Variants in ANKRD44 observed in about 807,000 individuals in gnomAD.
The protein encoded by ANKRD44 is ankyrin repeat domain 44.
ANKRD44 carries 35 observed loss-of-function variants against 116.0 expected under a neutral mutation model. That is an observed-to-expected ratio of 0.30 (90% CI 0.23 to 0.40). The LOEUF (loss-of-function observed/expected upper bound fraction) is 0.40, where lower values mean the gene tolerates loss of function less well. Ranked by LOEUF, ANKRD44 falls within the 10% of genes least tolerant of loss-of-function variation. The pLI is 1.00. For synonymous variants in ANKRD44, 435 were observed against 461.8 expected (o/e 0.94, Z 0.74); for missense variants, 1,014 against 1,242.6 (o/e 0.82, Z 2.77).
At chr2:197,094,529 G>GTATGAT (rs2125197374) in intron 10 of ANKRD44, among the ~76,000 whole-genome samples, 1 of 152,242 alleles carries the variant, frequency 6.6e-6, no homozygotes, top group South Asian at 2.1e-4. Flanking sequence ...AAAATCAGTT[G>GTATGAT]TATGATTCCT....
intron 1 of ANKRD44, among the ~76,000 whole-genome samples, chr2:197,239,427 C>T (rs1057264168): frequency 6.6e-6 from 1 of 152,108 alleles, no homozygotes; most frequent in Non-Finnish European, 1.5e-5. Flanking sequence ...CATGGGGTTT[C>T]ACTATGTTAC....
At chr2:197,226,014 T>C (rs1393257837) in intron 1 of ANKRD44, among the ~76,000 whole-genome samples, 2 of 152,208 alleles carry the variant, frequency 1.3e-5, no homozygotes, top group Non-Finnish European at 2.9e-5. Flanking sequence ...AACAGGCTTT[T>C]ATGGCTTTCC....
intron 1 of ANKRD44, chr2:197,301,307 A>G (rs2105911425): frequency 1.3e-5 from 2 of 152,304 alleles, no homozygotes; most frequent in Middle Eastern, 6.8e-3. Flanking sequence ...TGCTATGTAG[A>G]TGGAGCTCAT....
At chr2:197,106,370 G>A (rs1336102360) in intron 9 of ANKRD44, among the ~76,000 whole-genome samples, 3 of 152,106 alleles carry the variant, frequency 2.0e-5, no homozygotes, top group African/African-American at 7.2e-5. Flanking sequence ...TCTTCAACCC[G>A]GGAGGCAGAG....
intron 1 of ANKRD44, among the ~76,000 whole-genome samples, chr2:197,217,029 A>G (rs962958793): frequency 2.0e-5 from 3 of 152,122 alleles, no homozygotes; most frequent in Non-Finnish European, 4.4e-5. Context: ...AATCACCAGC[A>G]CTCTAAGAGG....
intron 1 of ANKRD44, among the ~76,000 whole-genome samples, chr2:197,243,550 T>C (rs917705178): frequency 2.6e-5 from 4 of 152,236 alleles, no homozygotes; most frequent in African/African-American, 9.6e-5. Flanking sequence ...CTTAGTCCAC[T>C]TGAGTTGCTA....
chr2:197,190,972 A>G (rs1234093520), intron 1 of ANKRD44, among the ~76,000 whole-genome samples: 3 of 152,198 alleles, frequency 2.0e-5, no homozygotes, highest in African/African-American at 7.2e-5. Flanking sequence ...AAATTGTAAC[A>G]AGGGTCAAAA....
intron 1 of ANKRD44, among the ~76,000 whole-genome samples, chr2:197,282,060 T>G (rs1054655140): frequency 3.9e-5 from 6 of 152,092 alleles, no homozygotes; most frequent in African/African-American, 1.4e-4. Context: ...GAGACCATCC[T>G]GGCTAACAAG....
chr2:197,246,640 C>T (rs1031063348), intron 1 of ANKRD44, among the ~76,000 whole-genome samples: 1 of 152,052 alleles, frequency 6.6e-6, no homozygotes. Context: ...TTGTAGCCAC[C>T]TTACCCTGTG....
chr2:197,178,616 G>GA (rs2080427295), intron 2 of ANKRD44, among the ~76,000 whole-genome samples: 2 of 152,080 alleles, frequency 1.3e-5, no homozygotes, highest in Admixed American at 6.5e-5. Context: ...ACTCACCAAA[G>GA]AAAAAATGCA....
intron 9 of ANKRD44, among the ~76,000 whole-genome samples, chr2:197,110,482 G>C (rs1049042146): frequency 6.6e-6 from 1 of 152,148 alleles, no homozygotes; most frequent in African/African-American, 2.4e-5. Context: ...AGATGCACAG[G>C]ATCTTGAGCC....
rs62185214 is a variant in ANKRD44 at position 196,968,063 on chromosome 2, C to A, written c.2369-617G>T. 5.6e-3 allele frequency among the ~76,000 whole-genome samples: 859 copies of A among 152,272 alleles called. 5 individuals are homozygous for A. The highest frequency in any genetic ancestry group is 0.011 in the Non-Finnish European group (723 of 68,014). On this transcript the variant is annotated intron_variant, in intron 21 of 21. Transcript: ENST00000424317. The stretch of plus-strand genomic sequence containing the variant: ...GCCAGCACCACACTTCCGGTAAAGC[C>A]TGCAGAACCATGAGCCAAATAAACC...
chr2:197,081,536 A>C, intron 15 of ANKRD44, 109 bp downstream of exon 15: 2 of 917,650 alleles, frequency 2.2e-6, no homozygotes, highest in Non-Finnish European at 1.8e-6. Context: ...TCACTTCCTC[A>C]AGATCCCAAG....
intron 1 of ANKRD44, among the ~76,000 whole-genome samples, chr2:197,240,714 A>T (rs929880466): frequency 3.4e-5 from 5 of 147,722 alleles, no homozygotes; most frequent in Non-Finnish European, 6.0e-5. Flanking sequence ...TAGCCACAAC[A>T]TGTAAGATTT....
chr2:197,089,568 G>A (rs1249263691), intron 11 of ANKRD44, among the ~76,000 whole-genome samples: 1 of 152,194 alleles, frequency 6.6e-6, no homozygotes, highest in African/African-American at 2.4e-5. Context: ...CAGATGTAGG[G>A]TATTTGGCCT....
rs993950784 is a variant in ANKRD44 at position 197,038,552 on chromosome 2, T to C, written c.1651-13285A>G. On this transcript the variant is annotated intron_variant, in intron 16 of 27. Coordinates refer to ENST00000282272, the MANE Select transcript of ANKRD44 (RefSeq NM_001195144.2). ...TGGGTTGTCTACATTTCAGGGGTCA[T>C]AAGGAAGTAAAGAAGATTCATCAAA... Among the ~76,000 whole-genome samples, 7 of 152,268 alleles carry C rather than the reference T, an allele frequency of 4.6e-5. No homozygotes were observed. In the East Asian group the frequency reaches 1.4e-3, roughly 29 times the overall value.
intron 2 of ANKRD44, among the ~76,000 whole-genome samples, chr2:197,167,578 A>G (rs757696328): frequency 2.6e-5 from 4 of 152,212 alleles, no homozygotes; most frequent in Non-Finnish European, 4.4e-5. Context: ...TACTTTGTCA[A>G]TGAAGCCCAC....
At chr2:197,096,760 AC>A (rs2078170276) in intron 10 of ANKRD44, among the ~76,000 whole-genome samples, 3 of 152,320 alleles carry the variant, frequency 2.0e-5, no homozygotes, top group South Asian at 2.1e-4. Flanking sequence ...CCTATAAGGA[AC>A]CCAGATAACA....
At chr2:197,089,896 T>C (rs370372283) in intron 11 of ANKRD44, 54 bp downstream of exon 11, 8 of 1,506,044 alleles carry the variant, frequency 5.3e-6, no homozygotes, top group East Asian at 4.5e-5. Context: ...CCTGAAGCCA[T>C]TGACTCATGT....
Sources: allele counts gnomAD v4.1 joint callset (sites outside exome capture counted in the v4.1 genomes callset), GRCh38; gene constraint gnomAD v4.1.1; transcripts MANE v1.5; gene names NCBI Gene and HGNC (gene_info 2026-07-23, HGNC 2026-07-21).